PRKCQ: variants seen among roughly 807,000 people sequenced by gnomAD.
The protein encoded by PRKCQ is protein kinase C theta type.
PRKCQ carries 41 observed loss-of-function variants against 91.2 expected under a neutral mutation model. The ratio of observed to expected loss-of-function variants is 0.45; its 90% CI spans 0.35 to 0.58. The LOEUF (loss-of-function observed/expected upper bound fraction) is 0.58. Among genes scored for constraint, PRKCQ ranks in the 20% least tolerant of loss-of-function variants. The pLI is 0.00. For missense variants in PRKCQ, 673 were observed against 896.5 expected (o/e 0.75, Z 3.18); for synonymous variants, 307 against 316.9 (o/e 0.97, Z 0.33).
intron 8 of PRKCQ, among the ~76,000 whole-genome samples, chr10:6,486,483 T>G (rs577510317): frequency 6.6e-6 from 1 of 152,276 alleles, no homozygotes; most frequent in Non-Finnish European, 1.5e-5. Context: ...GTTACCACCC[T>G]TTTTCCAGGA....
chr10:6,444,041 A>T (rs1564299489), intron 15 of PRKCQ, among the ~76,000 whole-genome samples: 1 of 152,100 alleles, frequency 6.6e-6, no homozygotes, highest in Non-Finnish European at 1.5e-5. Flanking sequence ...CTGGAGATTG[A>T]TTGCACAACT....
the PRKCQ span, among the ~76,000 whole-genome samples, chr10:6,412,346 G>C: frequency 1.3e-5 from 2 of 152,232 alleles, no homozygotes; most frequent in Non-Finnish European, 2.9e-5. Context: ...AATCAGTTTA[G>C]AGATTCAATG....
At chr10:6,434,751 G>A (rs1355950422) in intron 16 of PRKCQ, among the ~76,000 whole-genome samples, 1 of 152,230 alleles carries the variant, frequency 6.6e-6, no homozygotes, top group Non-Finnish European at 1.5e-5. Flanking sequence ...GCCAGCAGTA[G>A]TGCTGACAGA....
chr10:6,484,389 G>A (rs1746771279), intron 10 of PRKCQ, among the ~76,000 whole-genome samples: 1 of 151,966 alleles, frequency 6.6e-6, no homozygotes, highest in African/African-American at 2.4e-5. Flanking sequence ...ATTGTAGCCT[G>A]GGCCACAGAG....
downstream of PRKCQ, among the ~76,000 whole-genome samples, chr10:6,425,301 T>C (rs1046684616): frequency 2.6e-5 from 4 of 151,054 alleles, no homozygotes; most frequent in Admixed American, 2.7e-4. Context: ...CTCAGCTCAC[T>C]GCGACCTCCG....
intron 1 of PRKCQ, among the ~76,000 whole-genome samples, chr10:6,526,910 C>T (rs1362464723): frequency 6.6e-6 from 1 of 152,180 alleles, no homozygotes; most frequent in Non-Finnish European, 1.5e-5. Flanking sequence ...CTTCACTCTT[C>T]CAGTTGATGG....
At chr10:6,542,374 G>A (rs1839806449) in intron 1 of PRKCQ, among the ~76,000 whole-genome samples, 1 of 152,160 alleles carries the variant, frequency 6.6e-6, no homozygotes, top group Admixed American at 6.5e-5. Context: ...CTGATGTCAT[G>A]GGAAGAACAC....
At chr10:6,476,876 C>T (rs1836294103) in intron 12 of PRKCQ, among the ~76,000 whole-genome samples, 1 of 152,066 alleles carries the variant, frequency 6.6e-6, no homozygotes. Flanking sequence ...AGGTGACATA[C>T]CTTCACCCTC....
At position 6,443,350 on chromosome 10, in the gene PRKCQ, G is replaced by A. The variant is rs139513465; in HGVS notation, c.1648-1269C>T. ...ACGGAAATAAAACCAGTATGTAGAGGAGACAGCTGCACTTGCTTGCTCATT... is the reference window on the plus strand; with the variant it reads ...ACGGAAATAAAACCAGTATGTAGAGAAGACAGCTGCACTTGCTTGCTCATT... On this transcript the variant is annotated intron_variant, in intron 15 of 17. Coordinates refer to ENST00000263125, the MANE Select transcript of PRKCQ (RefSeq NM_006257.5). Among the ~76,000 whole-genome samples the A allele has an allele frequency of 4.0e-3, 613 of 152,294 alleles. 6 individuals carry two copies. The highest frequency in any genetic ancestry group is 0.018 in the South Asian group (88 of 4,828).
chr10:6,523,897 ACT>A (rs1839109002), intron 1 of PRKCQ, among the ~76,000 whole-genome samples: 1 of 151,200 alleles, frequency 6.6e-6, no homozygotes, highest in African/African-American at 2.4e-5. Context: ...ACACAGCACG[ACT>A]CTCAGTGGAG....
At chr10:6,523,672 C>T (rs940024186) in intron 1 of PRKCQ, among the ~76,000 whole-genome samples, 6 of 152,098 alleles carry the variant, frequency 3.9e-5, no homozygotes, top group Non-Finnish European at 8.8e-5. Context: ...GAAGTTAAAC[C>T]TTGAAATATA....
At chr10:6,487,409 C>T (rs1836988790) in intron 8 of PRKCQ, among the ~76,000 whole-genome samples, 1 of 152,156 alleles carries the variant, frequency 6.6e-6, no homozygotes, top group Non-Finnish European at 1.5e-5. Context: ...GAACGGGGTG[C>T]TGGTGGCAGC....
Position 6,532,957 on chromosome 10 carries a change from CT to C in PRKCQ, c.-9-17814del, listed in dbSNP as rs892573443. Among the ~76,000 whole-genome samples the C allele has an allele frequency of 5.3e-5, 8 of 152,134 alleles. No individual in the cohort carries two copies. The East Asian group carries it at 1.5e-3, about 29-fold the overall frequency. On this transcript the variant is annotated intron_variant, in intron 1 of 17. Coordinates refer to ENST00000263125, the MANE Select transcript of PRKCQ (RefSeq NM_006257.5). The stretch of plus-strand genomic sequence containing the variant: ...TTTTCTATTTTTTTCATATTCCCCC[CT>C]GAATCTAAGCTCTATGACTTCAAAA...
chr10:6,556,094 G>T (rs1454769062), intron 1 of PRKCQ, among the ~76,000 whole-genome samples: 3 of 152,056 alleles, frequency 2.0e-5, no homozygotes, highest in Admixed American at 1.3e-4. Flanking sequence ...TACAGCAGAA[G>T]AATAACTTAT....
chr10:6,475,675 C>T (rs1836230382), intron 12 of PRKCQ, among the ~76,000 whole-genome samples: 1 of 152,174 alleles, frequency 6.6e-6, no homozygotes, highest in Non-Finnish European at 1.5e-5. Context: ...GGTAACTGTC[C>T]TCCCAAGAAA....
chr10:6,510,788 C>T (rs1365395640), intron 3 of PRKCQ, among the ~76,000 whole-genome samples: 1 of 152,052 alleles, frequency 6.6e-6, no homozygotes, highest in African/African-American at 2.4e-5. Context: ...TTGATGTAGG[C>T]ATCAAAGAGA....
intron 15 of PRKCQ, among the ~76,000 whole-genome samples, chr10:6,455,811 C>G (rs1374188749): frequency 6.6e-6 from 1 of 152,144 alleles, no homozygotes; most frequent in Non-Finnish European, 1.5e-5. Flanking sequence ...ATGAAGGGCA[C>G]AGTTGGGAGA....
chr10:6,491,650 C>T (rs765668894), intron 8 of PRKCQ, 33 bp downstream of exon 8: 26 of 1,612,252 alleles, frequency 1.6e-5, no homozygotes, highest in East Asian at 2.2e-5. Context: ...AGGGGGTCCA[C>T]GTCGGGCCAT....
rs1355485865 is a variant in PRKCQ, at chr10:6,497,282, A to G, written c.543-31T>C. ...ATAAAGCACACGCTGATTTATTTCA[A>G]TGTTGGCATCAACATCAGCACCAAC... is the stretch of plus-strand genomic sequence containing the variant. On this transcript the variant is annotated intron_variant, in intron 5 of 17. Transcript: ENST00000263125. This position sits in a 1 kb window ranked among gnomAD's most constrained non-coding sequence, Gnocchi z 4.5. 11 of 1,613,902 alleles carry G rather than the reference A, an allele frequency of 6.8e-6. No individual in the cohort carries two copies. Among genetic ancestry groups the G allele is most frequent in the South Asian group, 3.3e-5 (3 of 91,060 alleles).
Sources: gnomAD v4.1 joint callset for allele counts (sites outside exome capture counted in the v4.1 genomes callset) on GRCh38, gnomAD v4.1.1 for gene constraint, Gnocchi (gnomAD v3.1) non-coding constraint, MANE v1.5 for transcripts, NCBI Gene and HGNC (gene_info 2026-07-23, HGNC 2026-07-21) for gene names.